The following IL1RAPL1 variants were observed in gnomAD, a reference collection of about 807,000 sequenced individuals.
The protein encoded by IL1RAPL1 is interleukin-1 receptor accessory protein-like 1.
A neutral mutation model predicts 48.4 loss-of-function variants in IL1RAPL1; 3 were observed. That is an observed-to-expected ratio of 0.06 (90% CI 0.03 to 0.16). IL1RAPL1 has a LOEUF of 0.16. IL1RAPL1 is among the 10% of genes least tolerant of loss of function. The pLI, the probability that IL1RAPL1 is intolerant of heterozygous loss-of-function variation, is 1.00. For missense variants in IL1RAPL1, 349 were observed against 530.6 expected (o/e 0.66, Z 3.36); for synonymous variants, 185 against 187.7 (o/e 0.99, Z 0.12).
chrX:28,875,726 CAA>C (rs1922354480), intron 2 of IL1RAPL1, among the ~76,000 whole-genome samples: 1 of 111,304 alleles, frequency 9.0e-6, no homozygotes. Flanking sequence ...ATATTTAAAA[CAA>C]GAGAAATGTA....
At chrX:29,360,506 A>G (rs1025963794) in intron 3 of IL1RAPL1, among the ~76,000 whole-genome samples, 1 of 112,484 alleles carries the variant, frequency 8.9e-6, no homozygotes, top group African/African-American at 3.2e-5. Context: ...AGTCAGAGTT[A>G]AAATAAAATT....
intron 2 of IL1RAPL1, among the ~76,000 whole-genome samples, chrX:28,856,742 C>G (rs1046705800): frequency 9.0e-6 from 1 of 111,414 alleles, no homozygotes; most frequent in Non-Finnish European, 1.9e-5. Flanking sequence ...CGACTAGCCA[C>G]TCCCCTATCT....
intron 6 of IL1RAPL1, among the ~76,000 whole-genome samples, chrX:29,824,098 C>T (rs1930679894): frequency 1.8e-5 from 2 of 111,046 alleles, no homozygotes; most frequent in Non-Finnish European, 3.8e-5. Context: ...CCCTACAGTC[C>T]CTGGAGATTC....
At chrX:29,407,070 A>C (rs1016961037) in intron 5 of IL1RAPL1, among the ~76,000 whole-genome samples, 2 of 112,128 alleles carry the variant, frequency 1.8e-5, no homozygotes, top group African/African-American at 6.5e-5. Flanking sequence ...AATCCAGTAC[A>C]TATTTTTACT....
intron 1 of IL1RAPL1, among the ~76,000 whole-genome samples, chrX:28,604,494 C>T (rs1322296472): frequency 2.7e-5 from 3 of 110,311 alleles, no homozygotes; most frequent in Non-Finnish European, 5.7e-5. Context: ...TTTGGGAGGC[C>T]GAGGCGGGTG....
chrX:28,992,254 G>T (rs187876031), intron 2 of IL1RAPL1, among the ~76,000 whole-genome samples: 1 of 111,172 alleles, frequency 9.0e-6, no homozygotes, highest in Non-Finnish European at 1.9e-5. Flanking sequence ...ACTTTGGGAG[G>T]CCAAGGTGGT....
intron 2 of IL1RAPL1, among the ~76,000 whole-genome samples, chrX:28,951,668 T>G (rs1924469989): frequency 9.0e-6 from 1 of 111,321 alleles, no homozygotes; most frequent in Admixed American, 9.7e-5. Flanking sequence ...TTTCTACTTT[T>G]ATTTTATCAT....
chrX:29,910,164 A>C (rs1403765752), intron 6 of IL1RAPL1, among the ~76,000 whole-genome samples: 1 of 111,008 alleles, frequency 9.0e-6, no homozygotes, highest in Non-Finnish European at 1.9e-5. Context: ...ACCAAATACC[A>C]CATGTTCTCA....
chrX:29,481,715 C>G (rs1488880314), intron 5 of IL1RAPL1, among the ~76,000 whole-genome samples: 1 of 111,974 alleles, frequency 8.9e-6, no homozygotes, highest in Non-Finnish European at 1.9e-5. Flanking sequence ...TGGAAACTAA[C>G]CACCACTTAA....
At position 28,604,258 on chromosome X, in the gene IL1RAPL1, G is replaced by A. The variant is rs763167785; in HGVS notation, c.-25+16211G>A. Reference sequence around the variant, plus strand: ...AATATACCTTCTCCCAATTGCAGAAGACATCATGTTATACTAGAATTCACA... The same window carrying A: ...AATATACCTTCTCCCAATTGCAGAAAACATCATGTTATACTAGAATTCACA... On this transcript the variant is annotated intron_variant, in intron 1 of 10. Transcript: ENST00000378993. Among the ~76,000 whole-genome samples the A allele has an allele frequency of 2.7e-5, 3 of 111,137 alleles. No individual in the cohort carries two copies. In the Admixed American group the frequency reaches 2.9e-4, roughly 11 times the overall value.
intron 5 of IL1RAPL1, among the ~76,000 whole-genome samples, chrX:29,547,011 CAT>C (rs1010898238): frequency 3.6e-5 from 4 of 111,621 alleles, no homozygotes; most frequent in Non-Finnish European, 7.5e-5. Flanking sequence ...GCTTTAAAGA[CAT>C]GTGGTCTGCT....
intron 1 of IL1RAPL1, among the ~76,000 whole-genome samples, chrX:28,629,684 C>T (rs754108007): frequency 1.8e-5 from 2 of 111,414 alleles, no homozygotes; most frequent in African/African-American, 3.3e-5. Context: ...GCATGATTAC[C>T]GGGAGCATGT....
chrX:28,737,625 T>C (rs1935859985), intron 1 of IL1RAPL1, among the ~76,000 whole-genome samples: 1 of 112,160 alleles, frequency 8.9e-6, no homozygotes, highest in Non-Finnish European at 1.9e-5. Flanking sequence ...AGAAAAGTAA[T>C]AATCAACAAA....
At chrX:28,712,371 T>TC (rs1935451223) in intron 1 of IL1RAPL1, among the ~76,000 whole-genome samples, 1 of 110,369 alleles carries the variant, frequency 9.1e-6, no homozygotes, top group African/African-American at 3.3e-5. Flanking sequence ...TTTTTTTTTT[T>TC]CTCTCACTCC....
At position 29,623,547 on chromosome X, in the gene IL1RAPL1, C is replaced by G. The variant is rs184084447; in HGVS notation, c.704-44883C>G. 1.3e-3 allele frequency among the ~76,000 whole-genome samples: 151 copies of G among 112,038 alleles called. 1 individual carries two copies. The highest frequency in any genetic ancestry group is 4.6e-3 in the African/African-American group (143 of 30,868). ...TTGGTGAAAACAGTCTCGCCATGAC[C>G]TTGATGTGCCATTTGATGTTCTTGG... On this transcript the variant is annotated intron_variant, in intron 5 of 10. Transcript: ENST00000378993.
At chrX:28,610,971 G>A (rs1934140231) in intron 1 of IL1RAPL1, among the ~76,000 whole-genome samples, 1 of 110,973 alleles carries the variant, frequency 9.0e-6, no homozygotes, top group Admixed American at 9.6e-5. Flanking sequence ...CCTCAACAAT[G>A]CCACAGGATG....
At chrX:28,620,520 G>C (rs1934273477) in intron 1 of IL1RAPL1, among the ~76,000 whole-genome samples, 1 of 111,223 alleles carries the variant, frequency 9.0e-6, no homozygotes, top group Admixed American at 9.6e-5. Context: ...GGGACGTGAT[G>C]AGGCTCTGTG....
intron 5 of IL1RAPL1, among the ~76,000 whole-genome samples, chrX:29,599,107 T>A (rs1923640081): frequency 8.9e-6 from 1 of 112,186 alleles, no homozygotes; most frequent in South Asian, 3.6e-4. Context: ...TGTTTTCTTT[T>A]CATTGTGTTA....
At chrX:29,449,558 A>G (rs1198612413) in intron 5 of IL1RAPL1, among the ~76,000 whole-genome samples, 1 of 110,851 alleles carries the variant, frequency 9.0e-6, no homozygotes, top group African/African-American at 3.3e-5. Context: ...GTAAACTCCC[A>G]CAGCTCTTGT....
Sources: allele counts gnomAD v4.1 joint callset (sites outside exome capture counted in the v4.1 genomes callset), GRCh38; gene constraint gnomAD v4.1.1; transcripts MANE v1.5; gene names NCBI Gene and HGNC (gene_info 2026-07-23, HGNC 2026-07-21).